CSMD2: variants seen among roughly 807,000 people sequenced by gnomAD.
CSMD2 encodes CUB and sushi domain-containing protein 2.
A neutral mutation model predicts 398.5 loss-of-function variants in CSMD2; 130 were observed. The observed-to-expected ratio is 0.33, with a 90% CI of 0.28 to 0.38. The LOEUF (loss-of-function observed/expected upper bound fraction) is 0.38, where lower values mean the gene tolerates loss of function less well. CSMD2 is among the 10% of genes least tolerant of loss of function. The pLI is 1.00. For synonymous variants in CSMD2, 1,828 were observed against 1,908.5 expected (o/e 0.96, Z 1.10); for missense variants, 3,829 against 4,764.9 (o/e 0.80, Z 5.78).
intron 5 of CSMD2, among the ~76,000 whole-genome samples, chr1:33,883,050 T>A (rs536814821): frequency 4.7e-4 from 72 of 152,334 alleles, no homozygotes; most frequent in African/African-American, 1.6e-3. Context: ...CCTCCTTGAC[T>A]CTTCCAATGG....
At chr1:33,605,221 CTCTGGA>C in intron 42 of CSMD2, 55 bp downstream of exon 42, 1 of 1,492,424 alleles carries the variant, frequency 6.7e-7, no homozygotes, top group Non-Finnish European at 9.2e-7. Context: ...CATGGGATTG[CTCTGGA>C]CCAGTCTCCA....
At chr1:33,707,695 G>GTGCACACACACA (rs1553179771) in intron 22 of CSMD2, among the ~76,000 whole-genome samples, 1 of 92,032 alleles carries the variant, frequency 1.1e-5, no homozygotes, top group Non-Finnish European at 2.1e-5. Context: ...GCGCGCGCGC[G>GTGCACACACACA]CACACACACA....
intron 27 of CSMD2, among the ~76,000 whole-genome samples, chr1:33,654,399 C>T (rs945602000): frequency 2.6e-5 from 4 of 152,188 alleles, no homozygotes; most frequent in African/African-American, 7.2e-5. Context: ...TGTTTTCCCC[C>T]TTTCTACTTC....
intron 9 of CSMD2, among the ~76,000 whole-genome samples, chr1:33,817,456 C>G (rs554664304): frequency 6.6e-6 from 1 of 152,128 alleles, no homozygotes; most frequent in Non-Finnish European, 1.5e-5. Context: ...GATGAAGGAA[C>G]CCGCCCAGGG....
intron 5 of CSMD2, among the ~76,000 whole-genome samples, chr1:33,867,647 C>A (rs898568516): frequency 1.3e-5 from 2 of 152,222 alleles, no homozygotes; most frequent in Non-Finnish European, 2.9e-5. Context: ...CCAGCCTCTA[C>A]CTTCCCCATT....
intron 3 of CSMD2, among the ~76,000 whole-genome samples, chr1:33,953,947 C>G (rs1645083269): frequency 6.6e-6 from 1 of 152,108 alleles, no homozygotes; most frequent in African/African-American, 2.4e-5. Flanking sequence ...GATTCTGGTT[C>G]CCTGCCATGC....
chr1:33,610,588 C>T (rs577060261), intron 41 of CSMD2, among the ~76,000 whole-genome samples: 8 of 152,294 alleles, frequency 5.3e-5, no homozygotes, highest in Admixed American at 5.2e-4. Context: ...GCTCCTTGTG[C>T]AAGGCTTAGA....
intron 5 of CSMD2, among the ~76,000 whole-genome samples, chr1:33,886,266 T>C (rs1641586232): frequency 6.6e-6 from 1 of 152,076 alleles, no homozygotes; most frequent in Admixed American, 6.5e-5. Flanking sequence ...AAGGTCACAC[T>C]GGACCAGAAT....
At chr1:33,675,652 C>CA (rs974502780) in intron 25 of CSMD2, among the ~76,000 whole-genome samples, 2 of 151,952 alleles carry the variant, frequency 1.3e-5, no homozygotes, top group East Asian at 1.9e-4. Flanking sequence ...AGAGACACAA[C>CA]AAAAAAAGAG....
chr1:33,808,058 T>G (rs1319821062), intron 10 of CSMD2, among the ~76,000 whole-genome samples: 1 of 152,128 alleles, frequency 6.6e-6, no homozygotes, highest in Non-Finnish European at 1.5e-5. Flanking sequence ...ACAGTTCAAT[T>G]TACCAGGAAG....
At position 33,868,735 on chromosome 1, in the gene CSMD2, TAACAAACA is replaced by T. The variant is rs66519139; in HGVS notation, c.921-21747_921-21740del. 4.4e-3 allele frequency among the ~76,000 whole-genome samples: 667 copies of T among 150,914 alleles called. 7 individuals are homozygous for T. Among genetic ancestry groups the T allele is most frequent in the South Asian group, 0.023 (109 of 4,754 alleles). ...TGGGTGACAGAGTGAGACTCCATCTTAACAAACAAACAAACAAACAAACAACACAAATA... is the reference window on the plus strand; with the variant it reads ...TGGGTGACAGAGTGAGACTCCATCTTAACAAACAAACAAACAACACAAATA... On this transcript the variant is annotated intron_variant, in intron 5 of 70. Coordinates refer to ENST00000373381, the MANE Select transcript of CSMD2 (RefSeq NM_001281956.2).
At chr1:33,743,158 C>A (rs1329144071) in intron 14 of CSMD2, 122 bp downstream of exon 14, 4 of 763,292 alleles carry the variant, frequency 5.2e-6, no homozygotes, top group Non-Finnish European at 8.4e-6. Context: ...GCACTGCAGC[C>A]CTGCAATGCC....
intron 25 of CSMD2, among the ~76,000 whole-genome samples, chr1:33,669,724 A>G (rs1644429748): frequency 6.6e-6 from 1 of 152,184 alleles, no homozygotes; most frequent in Admixed American, 6.5e-5. Flanking sequence ...ATCAGATGTA[A>G]TCAAGTTATG....
intron 26 of CSMD2, among the ~76,000 whole-genome samples, chr1:33,658,489 G>A (rs1194921459): frequency 6.6e-6 from 1 of 152,188 alleles, no homozygotes; most frequent in Non-Finnish European, 1.5e-5. Flanking sequence ...TACAAGCATT[G>A]TTACATAAAC....
intron 25 of CSMD2, among the ~76,000 whole-genome samples, chr1:33,691,463 A>C (rs1314960232): frequency 6.6e-6 from 1 of 152,192 alleles, no homozygotes; most frequent in Non-Finnish European, 1.5e-5. Context: ...TACATATTAA[A>C]TACTTAATAC....
At chr1:33,847,423 C>T (rs1007820611) in intron 5 of CSMD2, among the ~76,000 whole-genome samples, 1 of 151,940 alleles carries the variant, frequency 6.6e-6, no homozygotes, top group African/African-American at 2.4e-5. Flanking sequence ...GCATTCCCTA[C>T]TCTCCTTGGC....
chr1:34,160,901 C>G (rs368650616), intron 1 of CSMD2, among the ~76,000 whole-genome samples: 1 of 151,952 alleles, frequency 6.6e-6, no homozygotes, highest in Non-Finnish European at 1.5e-5. Context: ...GTAATTGGCA[C>G]GGGAAAAATC....
intron 1 of CSMD2, among the ~76,000 whole-genome samples, chr1:34,118,143 G>A (rs1252914765): frequency 6.6e-6 from 1 of 152,186 alleles, no homozygotes; most frequent in Non-Finnish European, 1.5e-5. Flanking sequence ...TTGAACCCAG[G>A]AGGCGAAGGT....
intron 5 of CSMD2, among the ~76,000 whole-genome samples, chr1:33,882,850 C>T (rs1641330728): frequency 6.6e-6 from 1 of 152,214 alleles, no homozygotes; most frequent in African/African-American, 2.4e-5. Flanking sequence ...CCCTTCTCTT[C>T]CTCCTTTTCT....
Sources: allele counts gnomAD v4.1 joint callset (sites outside exome capture counted in the v4.1 genomes callset), GRCh38; gene constraint gnomAD v4.1.1; transcripts MANE v1.5; gene names NCBI Gene and HGNC (gene_info 2026-07-23, HGNC 2026-07-21).